The following INPP4B variants were observed in gnomAD, a reference collection of about 807,000 sequenced individuals.
The protein encoded by INPP4B is inositol polyphosphate-4-phosphatase type II B.
In INPP4B, 55 loss-of-function variants were observed where a neutral mutation model predicts 122.5. That is an observed-to-expected ratio of 0.45 (90% CI 0.36 to 0.56). INPP4B has a LOEUF of 0.56. Among genes scored for constraint, INPP4B ranks in the 20% least tolerant of loss-of-function variants. The probability of loss-of-function intolerance (pLI) is 0.00; values close to 1 mark genes in which losing one functional copy is unlikely to be tolerated. For missense variants in INPP4B, 1,000 were observed against 1,097.7 expected (o/e 0.91, Z 1.26); for synonymous variants, 403 against 388.7 (o/e 1.04, Z -0.43).
chr4:142,152,054 T>G (rs1258418910), intron 17 of INPP4B, among the ~76,000 whole-genome samples: 2 of 145,640 alleles, frequency 1.4e-5, no homozygotes, highest in Non-Finnish European at 3.0e-5. Context: ...CTAACATGCT[T>G]TTTTGTCTTT....
chr4:142,151,651 C>T (rs1813988250), intron 17 of INPP4B, among the ~76,000 whole-genome samples: 1 of 152,168 alleles, frequency 6.6e-6, no homozygotes, highest in Non-Finnish European at 1.5e-5. Context: ...TCACCCTCCT[C>T]TTTTGATTAT....
Position 142,145,841 on chromosome 4 carries a change from T to C in INPP4B, c.1719A>G (p.Arg573=). The change falls in exon 18 of 26, where the codon AGA becomes AGG. Residue 573 remains arginine, a splice_region_variant and synonymous_variant. Coordinates refer to ENST00000262992, the MANE Select transcript of INPP4B (RefSeq NM_001101669.3). Reference sequence around the variant, plus strand: ...TTGGGAAAAAAAATTATTTCTTACCTCTTGGGTGAGAGGGAATGGCATCTG... The same window carrying C: ...TTGGGAAAAAAAATTATTTCTTACCCCTTGGGTGAGAGGGAATGGCATCTG... ...SLTDAIPSHP[R]EDWYEQLYPL... 3 of 1,613,302 alleles carry C rather than the reference T, an allele frequency of 1.9e-6. No individual in the cohort carries two copies. Among genetic ancestry groups the C allele is most frequent in the East Asian group, 2.2e-5 (1 of 44,858 alleles).
intron 10 of INPP4B, among the ~76,000 whole-genome samples, chr4:142,264,962 TTCTCTCTCTC>T (rs1323412514): frequency 6.7e-6 from 1 of 149,180 alleles, no homozygotes; most frequent in East Asian, 2.0e-4. Context: ...TCCTCTCTCT[TTCTCTCTCTC>T]TCTCTCCCTC....
At chr4:142,323,729 G>C (rs1054484984) in intron 7 of INPP4B, among the ~76,000 whole-genome samples, 8 of 151,654 alleles carry the variant, frequency 5.3e-5, no homozygotes, top group African/African-American at 1.9e-4. Flanking sequence ...ACAGGCGTGA[G>C]CCACAGCGCC....
At chr4:142,123,089 A>G (rs1470616340) in intron 20 of INPP4B, among the ~76,000 whole-genome samples, 1 of 152,176 alleles carries the variant, frequency 6.6e-6, no homozygotes, top group Non-Finnish European at 1.5e-5. Flanking sequence ...CCACTCTGAA[A>G]TAATCTATAA....
intron 2 of INPP4B, among the ~76,000 whole-genome samples, chr4:142,590,700 G>T (rs1305671797): frequency 6.6e-6 from 1 of 151,044 alleles, no homozygotes; most frequent in Non-Finnish European, 1.5e-5. Context: ...ATATATAGAG[G>T]TTATATAAAA....
At chr4:142,625,538 G>C (rs1249946135) in intron 2 of INPP4B, among the ~76,000 whole-genome samples, 1 of 151,922 alleles carries the variant, frequency 6.6e-6, no homozygotes, top group Non-Finnish European at 1.5e-5. Context: ...AATCAATATC[G>C]TGAAAATGGC....
intron 2 of INPP4B, among the ~76,000 whole-genome samples, chr4:142,652,071 C>G (rs569707658): frequency 6.6e-6 from 1 of 152,258 alleles, no homozygotes; most frequent in East Asian, 1.9e-4. Flanking sequence ...TCAACATACA[C>G]AAATCAATAA....
intron 1 of INPP4B, among the ~76,000 whole-genome samples, chr4:142,735,986 A>C (rs1351744133): frequency 1.3e-5 from 2 of 150,294 alleles, no homozygotes; most frequent in Admixed American, 1.3e-4. Flanking sequence ...TATTCTCTGA[A>C]TTGCATTTTA....
At chr4:142,168,593 A>G (rs1824027973) in intron 16 of INPP4B, among the ~76,000 whole-genome samples, 2 of 151,600 alleles carry the variant, frequency 1.3e-5, no homozygotes, top group African/African-American at 4.8e-5. Flanking sequence ...ACTTTATTCA[A>G]TTCCCGTTGT....
intron 2 of INPP4B, among the ~76,000 whole-genome samples, chr4:142,549,887 G>A (rs906912945): frequency 2.0e-5 from 3 of 152,112 alleles, no homozygotes; most frequent in African/African-American, 7.2e-5. Context: ...TTAAATTCCA[G>A]GTAGGTGAGA....
At chr4:142,440,396 G>A (rs1811430498) in intron 3 of INPP4B, among the ~76,000 whole-genome samples, 1 of 152,180 alleles carries the variant, frequency 6.6e-6, no homozygotes, top group Non-Finnish European at 1.5e-5. Flanking sequence ...GAGAGTCCTG[G>A]CAATTCTAGG....
chr4:142,044,692 G>A (rs1055891549), intron 25 of INPP4B, among the ~76,000 whole-genome samples: 2 of 152,174 alleles, frequency 1.3e-5, no homozygotes, highest in Non-Finnish European at 2.9e-5. Flanking sequence ...AGGATGCTTG[G>A]AGGCACAGAG....
At chr4:142,585,335 GCT>G (rs1329690883) in intron 2 of INPP4B, among the ~76,000 whole-genome samples, 6 of 152,086 alleles carry the variant, frequency 3.9e-5, no homozygotes, top group African/African-American at 1.4e-4. Flanking sequence ...TTTGGAAGAT[GCT>G]CTTTCTTCTT....
chr4:142,400,407 C>T (rs137943977), intron 7 of INPP4B, among the ~76,000 whole-genome samples: 2 of 152,090 alleles, frequency 1.3e-5, no homozygotes, highest in East Asian at 3.9e-4. Context: ...ATCTCTTATG[C>T]CTTTAGAATA....
chr4:142,286,146 A>G (rs1432009280), intron 9 of INPP4B, among the ~76,000 whole-genome samples: 1 of 152,220 alleles, frequency 6.6e-6, no homozygotes, highest in South Asian at 2.1e-4. Flanking sequence ...TTCCGCTTTA[A>G]TTCATGTTAA....
At chr4:142,721,143 C>A (rs1764607210) in intron 2 of INPP4B, among the ~76,000 whole-genome samples, 2 of 151,822 alleles carry the variant, frequency 1.3e-5, no homozygotes, top group Non-Finnish European at 2.9e-5. Flanking sequence ...CTTAAAGGAA[C>A]CAATTCCCTC....
chr4:142,595,509 A>G (rs989827059), intron 2 of INPP4B, among the ~76,000 whole-genome samples: 2 of 152,234 alleles, frequency 1.3e-5, no homozygotes, highest in African/African-American at 2.4e-5. Flanking sequence ...ACAAATGTAT[A>G]CAGTTGAACT....
chr4:142,718,895 A>G (rs183795676), intron 2 of INPP4B, among the ~76,000 whole-genome samples: 3 of 152,348 alleles, frequency 2.0e-5, no homozygotes, highest in African/African-American at 7.2e-5. Context: ...TAACAACTTC[A>G]GTATGAAAGT....
Sources: gnomAD v4.1 joint callset for allele counts (sites outside exome capture counted in the v4.1 genomes callset) on GRCh38, gnomAD v4.1.1 for gene constraint, MANE v1.5 for transcripts, NCBI Gene and HGNC (gene_info 2026-07-23, HGNC 2026-07-21) for gene names.